AGBL1: variants seen among roughly 807,000 people sequenced by gnomAD.
The protein encoded by AGBL1 is AGBL carboxypeptidase 1, also known as cytosolic carboxypeptidase 4.
In AGBL1, 130 loss-of-function variants were observed where a neutral mutation model predicts 118.9. The ratio of observed to expected loss-of-function variants is 1.09; its 90% CI spans 0.95 to 1.26. The LOEUF is 1.26. Ranked by LOEUF, AGBL1 falls within the 50% of genes most tolerant of loss-of-function variation. The probability of loss-of-function intolerance (pLI) is 0.00; values close to 1 mark genes in which losing one functional copy is unlikely to be tolerated. For missense variants in AGBL1, 1,584 were observed against 1,298.1 expected, an observed-to-expected ratio of 1.22 and a Z score of -3.38; for synonymous variants, 555 against 478.9, an observed-to-expected ratio of 1.16 and a Z score of -2.08.
chr15:86,302,904 C>A (rs2079776540), intron 17 of AGBL1, among the ~76,000 whole-genome samples: 1 of 151,728 alleles, frequency 6.6e-6, no homozygotes, highest in African/African-American at 2.4e-5. Flanking sequence ...AGGTAGCCTT[C>A]TTTTTCATGT....
intron 21 of AGBL1, among the ~76,000 whole-genome samples, chr15:86,582,764 A>G (rs2084188216): frequency 6.6e-6 from 1 of 151,960 alleles, no homozygotes; most frequent in Non-Finnish European, 1.5e-5. Context: ...CGCAAGGACA[A>G]AAAACCAAAC....
chr15:86,661,178 GTA>G (rs2085531750), intron 21 of AGBL1, among the ~76,000 whole-genome samples: 1 of 152,106 alleles, frequency 6.6e-6, no homozygotes, highest in South Asian at 2.1e-4. Flanking sequence ...CTATTTTAGT[GTA>G]TGTTTTAGCT....
At chr15:86,813,041 C>T (rs1203456565) in intron 22 of AGBL1, among the ~76,000 whole-genome samples, 1 of 151,700 alleles carries the variant, frequency 6.6e-6, no homozygotes, top group Admixed American at 6.6e-5. Context: ...GAAAGTGGGT[C>T]AAGCCAGTGG....
At chr15:86,181,267 T>A (rs1251484820) in intron 5 of AGBL1, among the ~76,000 whole-genome samples, 1 of 152,088 alleles carries the variant, frequency 6.6e-6, no homozygotes, top group African/African-American at 2.4e-5. Flanking sequence ...CTGGAAACAA[T>A]CCTTACATGT....
chr15:86,405,478 G>T (rs993373401), intron 18 of AGBL1, among the ~76,000 whole-genome samples: 1 of 151,864 alleles, frequency 6.6e-6, no homozygotes, highest in Non-Finnish European at 1.5e-5. Context: ...GATCACACCA[G>T]CCTGGGCAAC....
At chr15:86,727,004 A>G (rs1299819551) in intron 22 of AGBL1, among the ~76,000 whole-genome samples, 1 of 152,172 alleles carries the variant, frequency 6.6e-6, no homozygotes, top group East Asian at 1.9e-4. Flanking sequence ...TTAAGAAGTC[A>G]GTGGGAGGAA....
chr15:86,848,316 G>T (rs2079348091), intron 22 of AGBL1, among the ~76,000 whole-genome samples: 1 of 152,110 alleles, frequency 6.6e-6, no homozygotes, highest in South Asian at 2.1e-4. Flanking sequence ...TTTTGTAGCT[G>T]ATTTTGAAGG....
chr15:86,243,279 C>G (rs1319759380), intron 6 of AGBL1, among the ~76,000 whole-genome samples: 1 of 152,164 alleles, frequency 6.6e-6, no homozygotes, highest in Non-Finnish European at 1.5e-5. Flanking sequence ...TTGGCATATT[C>G]CCTTCCAGTT....
At chr15:86,798,149 C>G (rs1463099968) in intron 22 of AGBL1, among the ~76,000 whole-genome samples, 1 of 151,976 alleles carries the variant, frequency 6.6e-6, no homozygotes, top group African/African-American at 2.4e-5. Flanking sequence ...AATTCAGTTT[C>G]AATATCTACA....
chr15:86,893,380 A>G (rs1054038363), intron 22 of AGBL1, among the ~76,000 whole-genome samples: 2 of 152,228 alleles, frequency 1.3e-5, no homozygotes, highest in Non-Finnish European at 2.9e-5. Context: ...TTAAATCACC[A>G]TCAACATTAA....
At chr15:86,288,712 CAT>C (rs1352426284) in intron 16 of AGBL1, among the ~76,000 whole-genome samples, 4 of 152,004 alleles carry the variant, frequency 2.6e-5, no homozygotes, top group African/African-American at 9.7e-5. Context: ...CAAAGTTTGA[CAT>C]GTGTCTACAA....
chr15:86,802,356 T>C (rs2078661929), intron 22 of AGBL1, among the ~76,000 whole-genome samples: 1 of 152,076 alleles, frequency 6.6e-6, no homozygotes, highest in South Asian at 2.1e-4. Context: ...TTCACCATTG[T>C]AACCCCAGTT....
chr15:86,389,250 C>T (rs1206473711), intron 17 of AGBL1, among the ~76,000 whole-genome samples: 2 of 151,896 alleles, frequency 1.3e-5, no homozygotes, highest in Non-Finnish European at 2.9e-5. Flanking sequence ...AGAACACATA[C>T]AACAGAAAAC....
intron 22 of AGBL1, among the ~76,000 whole-genome samples, chr15:86,825,887 G>GATAGATAGATA (rs2079004706): frequency 1.9e-4 from 28 of 144,152 alleles, no homozygotes; most frequent in East Asian, 4.1e-4. Context: ...ATAGATGGAT[G>GATAGATAGATA]GATAGATAGA....
At chr15:86,341,399 T>A (rs2080459947) in intron 17 of AGBL1, among the ~76,000 whole-genome samples, 2 of 146,750 alleles carry the variant, frequency 1.4e-5, no homozygotes, top group Non-Finnish European at 1.5e-5. Flanking sequence ...ACAACCAACC[T>A]ACCCTGAGGT....
rs537490998 is a variant in AGBL1 at position 86,187,171 on chromosome 15, C to G, written c.488+28145C>G. Among the ~76,000 whole-genome samples, 10 of 152,306 alleles carry G rather than the reference C, an allele frequency of 6.6e-5. No individual in the cohort carries two copies. The East Asian group carries it at 1.9e-3, about 29-fold the overall frequency. On this transcript the variant is annotated intron_variant, in intron 5 of 22. Transcript: ENST00000614907. ...CCACAAATCAGTTAACAAGATTGTA[C>G]ATAGTATCAGCAATTAAAAAAGGAT... is the stretch of plus-strand genomic sequence containing the variant.
At chr15:86,917,124 G>A (rs535622406), downstream of AGBL1, among the ~76,000 whole-genome samples, 4 of 152,296 alleles carry the variant, frequency 2.6e-5, no homozygotes, top group South Asian at 6.2e-4. This position sits in a 1 kb window ranked among gnomAD's most constrained non-coding sequence, Gnocchi z 4.8. Flanking sequence ...TTAAAGTGCT[G>A]TTGGAAGGGG....
At chr15:86,989,521 G>A (rs2081317659) in intron 24 of AGBL1, among the ~76,000 whole-genome samples, 1 of 151,894 alleles carries the variant, frequency 6.6e-6, no homozygotes, top group African/African-American at 2.4e-5. Context: ...TGCTAAGATG[G>A]GAAATGATTA....
Position 86,105,406 on chromosome 15 carries a change from G to C in AGBL1, c.51+25383G>C, listed in dbSNP as rs549216302. The C allele has an allele frequency of 3.9e-5, 6 of 152,268 alleles. No homozygotes were observed. The South Asian group carries it at 1.2e-3, about 32-fold the overall frequency. The allele number at this position is 152,268 out of a possible 1,614,324, so 9.4% of individuals were successfully genotyped here. A position where few individuals can be genotyped will look rare whatever the true frequency, so the allele number is the denominator to read the frequency against. On this transcript the variant is annotated intron_variant, in intron 1 of 22. Transcript: ENST00000614907. The stretch of plus-strand genomic sequence containing the variant: ...ACATATACAAATTACCTTACCTGGG[G>C]CTAGTAAAGGCACAAACTCATGTTA...
Sources: allele counts gnomAD v4.1 joint callset (sites outside exome capture counted in the v4.1 genomes callset), GRCh38; gene constraint gnomAD v4.1.1; non-coding constraint Gnocchi (gnomAD v3.1); transcripts MANE v1.5; gene names NCBI Gene and HGNC (gene_info 2026-07-23, HGNC 2026-07-21).